Variants in CHP1 observed in about 807,000 individuals in gnomAD.
The protein encoded by CHP1 is calcineurin B homologous protein 1.
A neutral mutation model predicts 27.4 loss-of-function variants in CHP1; 11 were observed. The observed-to-expected ratio is 0.40, with a 90% CI of 0.25 to 0.67. The LOEUF is 0.67. Ranked by LOEUF, CHP1 falls within the 30% of genes least tolerant of loss-of-function variation. CHP1 has a pLI of 0.38. For synonymous variants in CHP1, 89 were observed against 87.4 expected (o/e 1.02, Z -0.10); for missense variants, 169 against 251.3 (o/e 0.67, Z 2.22).
intron 1 of CHP1, among the ~76,000 whole-genome samples, chr15:41,238,105 A>G (rs1044472343): frequency 1.3e-5 from 2 of 152,058 alleles, no homozygotes; most frequent in Non-Finnish European, 2.9e-5. Context: ...TGCACAATGC[A>G]GTGATGATAG....
intron 5 of CHP1, among the ~76,000 whole-genome samples, chr15:41,273,984 G>A (rs1205681790): frequency 4.6e-5 from 7 of 151,330 alleles, no homozygotes; most frequent in South Asian, 4.2e-4. Context: ...TTTTTGAGAC[G>A]GAGTCTCGCT....
chr15:41,242,004 T>C lies in CHP1; in HGVS notation c.68-1663T>C, dbSNP rs553667517. ...TCCAATCTATCAGGAGACTAAACTA[T>C]TTCCCAGAAAGGCCTTTTTGAGTTT... On this transcript the variant is annotated intron_variant, in intron 1 of 6. Coordinates refer to ENST00000334660, the MANE Select transcript of CHP1 (RefSeq NM_007236.5). 7.0e-4 allele frequency among the ~76,000 whole-genome samples: 106 copies of C among 152,312 alleles called. 2 individuals carry two copies. The South Asian group carries it at 0.021, about 31-fold the overall frequency.
At chr15:41,247,664 T>TC (rs2047342419) in intron 2 of CHP1, among the ~76,000 whole-genome samples, 1 of 149,416 alleles carries the variant, frequency 6.7e-6, no homozygotes, top group African/African-American at 2.5e-5. Flanking sequence ...AGAGCAAGAC[T>TC]CCATCTTAAA....
At chr15:41,257,028 TA>T (rs1238624846) in intron 3 of CHP1, 38 bp downstream of exon 3, 1 of 1,469,284 alleles carries the variant, frequency 6.8e-7, no homozygotes, top group Admixed American at 1.7e-5. Flanking sequence ...TTCCTGAGGC[TA>T]TCACAACCTA....
At position 41,278,690 on chromosome 15, in the gene CHP1, T is replaced by C. The variant is rs533414787; in HGVS notation, c.412-77T>C. 21 of 1,575,026 alleles carry C rather than the reference T, an allele frequency of 1.3e-5. No individual in the cohort carries two copies. The African/African-American group carries it at 2.7e-4, about 20-fold the overall frequency. ...CATCAAAGGAAAAGGAGGATGGTGA[T>C]AGCTTTATTTTTAATCTTAGTAAAG... On this transcript the variant is annotated intron_variant, in intron 5 of 6. Coordinates refer to ENST00000334660, the MANE Select transcript of CHP1 (RefSeq NM_007236.5).
chr15:41,264,308 T>C (rs2047449827), intron 4 of CHP1: 1 of 767,320 alleles, frequency 1.3e-6, no homozygotes, highest in Admixed American at 3.3e-5. Flanking sequence ...ATTAGGCTAA[T>C]GAGATTCCCC....
At chr15:41,272,584 C>G (rs1390538901) in intron 5 of CHP1, among the ~76,000 whole-genome samples, 1 of 151,418 alleles carries the variant, frequency 6.6e-6, no homozygotes, top group Non-Finnish European at 1.5e-5. Context: ...CCATACCCAG[C>G]TAATTTTTGT....
chr15:41,275,803 C>T (rs1288735184), intron 5 of CHP1, among the ~76,000 whole-genome samples: 1 of 152,036 alleles, frequency 6.6e-6, no homozygotes, highest in Non-Finnish European at 1.5e-5. Flanking sequence ...ACAACCTCTG[C>T]CTCCCGGGTT....
At chr15:41,236,279 T>A (rs1490420679) in intron 1 of CHP1, among the ~76,000 whole-genome samples, 1 of 152,068 alleles carries the variant, frequency 6.6e-6, no homozygotes, top group Admixed American at 6.6e-5. Flanking sequence ...ATTTATTTTT[T>A]CAGACAGGGT....
intron 3 of CHP1, among the ~76,000 whole-genome samples, chr15:41,258,102 A>G (rs932768367): frequency 2.0e-5 from 3 of 152,136 alleles, no homozygotes; most frequent in South Asian, 2.1e-4. Flanking sequence ...ATACATACAT[A>G]CATGCCTACA....
chr15:41,239,655 C>A (rs975144015), intron 1 of CHP1, among the ~76,000 whole-genome samples: 1 of 152,120 alleles, frequency 6.6e-6, no homozygotes, highest in East Asian at 1.9e-4. Flanking sequence ...CCTCAGCCCC[C>A]CAAAGTGCTG....
rs1178410748 is a variant in CHP1, at chr15:41,231,463, G to A, written c.67+14G>A. Reference sequence around the variant, plus strand: ...AGGAGACCGGCTGTGAGTTCGGGTTGGGGGTGGGAACGCCGGGCGCCTCAG... The same window carrying A: ...AGGAGACCGGCTGTGAGTTCGGGTTAGGGGTGGGAACGCCGGGCGCCTCAG... On this transcript the variant is annotated intron_variant, in intron 1 of 6. Transcript: ENST00000334660. The A allele has an allele frequency of 6.3e-7, 1 of 1,595,958 alleles. No individual in the cohort carries two copies. Among genetic ancestry groups the A allele is most frequent in the South Asian group, 1.1e-5 (1 of 87,872 alleles).
rs1595484723 is a variant in CHP1 at position 41,279,447 on chromosome 15, C to T, written c.*58C>T. On this transcript the variant is annotated 3_prime_UTR_variant, in exon 7 of 7. Coordinates refer to ENST00000334660, the MANE Select transcript of CHP1 (RefSeq NM_007236.5). ...TTAAGAACTGGAACTTGAAAGTCCT[C>T]CTTCTACCAACTCCACCTCCACCCC... 1 of 1,435,810 alleles carries T rather than the reference C, an allele frequency of 7.0e-7. No individual in the cohort carries two copies. Among genetic ancestry groups the T allele is most frequent in the South Asian group, 1.2e-5 (1 of 86,694 alleles). 88.9% of individuals were successfully genotyped at this position (1,435,810 alleles called of 1,614,324 possible).
At chr15:41,265,099 C>G (rs1050330550) in intron 4 of CHP1, among the ~76,000 whole-genome samples, 1 of 152,002 alleles carries the variant, frequency 6.6e-6, no homozygotes, top group Non-Finnish European at 1.5e-5. Flanking sequence ...CGGTGGCTCA[C>G]GCCTGTAATC....
rs145710108 is a variant in CHP1 at position 41,264,396 on chromosome 15, GAAT to G, written c.349+1519_349+1521del. Among the ~76,000 whole-genome samples, 215 of 152,226 alleles carry G rather than the reference GAAT, an allele frequency of 1.4e-3. 1 individual carries two copies. The highest frequency in any genetic ancestry group is 5.0e-3 in the African/African-American group (208 of 41,538). On this transcript the variant is annotated intron_variant, in intron 4 of 6. Coordinates refer to ENST00000334660, the MANE Select transcript of CHP1 (RefSeq NM_007236.5). ...AAATGGCAGACTTCAGGATGAGATAGAATAATAACAAAGTGCTATGCAGGTTAT... is the reference window on the plus strand; with the variant it reads ...AAATGGCAGACTTCAGGATGAGATAGAATAACAAAGTGCTATGCAGGTTAT...
intron 1 of CHP1, among the ~76,000 whole-genome samples, chr15:41,240,219 C>T (rs2140923356): frequency 6.6e-6 from 1 of 152,062 alleles, no homozygotes; most frequent in South Asian, 2.1e-4. Flanking sequence ...GTCTTGAACT[C>T]CTGGCCTCAA....
chr15:41,268,635 C>T (rs568752645), intron 4 of CHP1, among the ~76,000 whole-genome samples: 168 of 146,518 alleles, frequency 1.1e-3, no homozygotes, highest in Non-Finnish European at 1.9e-3. Context: ...GAGCAAGACT[C>T]CATCTCAAAA....
At chr15:41,278,309 G>A (rs2047529378) in intron 5 of CHP1, among the ~76,000 whole-genome samples, 1 of 149,296 alleles carries the variant, frequency 6.7e-6, no homozygotes, top group Non-Finnish European at 1.5e-5. Context: ...CTCCAGCCTG[G>A]GCAACAGAGT....
At chr15:41,276,717 T>A (rs914418985) in intron 5 of CHP1, among the ~76,000 whole-genome samples, 3 of 152,176 alleles carry the variant, frequency 2.0e-5, no homozygotes, top group African/African-American at 4.8e-5. Flanking sequence ...GGGCCATACT[T>A]TAGGAATAGT....
Sources: gnomAD v4.1 joint callset for allele counts (sites outside exome capture counted in the v4.1 genomes callset) on GRCh38, gnomAD v4.1.1 for gene constraint, MANE v1.5 for transcripts, NCBI Gene and HGNC (gene_info 2026-07-23, HGNC 2026-07-21) for gene names.